Variants in SGCZ observed in about 807,000 individuals in gnomAD.
SGCZ encodes sarcoglycan zeta, also known as zeta-sarcoglycan.
In SGCZ, 40 loss-of-function variants were observed where a neutral mutation model predicts 41.3. The ratio of observed to expected loss-of-function variants is 0.97; its 90% confidence interval spans 0.75 to 1.26. The LOEUF is 1.26. Among genes scored for constraint, SGCZ ranks in the 50% most tolerant of loss-of-function variants. The pLI is 0.00. For synonymous variants in SGCZ, 206 were observed against 137.5 expected, an observed-to-expected ratio of 1.50 and a Z score of -3.49; for missense variants, 552 against 369.8, an observed-to-expected ratio of 1.49 and a Z score of -4.04.
At chr8:14,984,953 A>G (rs1481981650) in intron 1 of SGCZ, among the ~76,000 whole-genome samples, 1 of 151,970 alleles carries the variant, frequency 6.6e-6, no homozygotes, top group African/African-American at 2.4e-5. Context: ...GGGCCACAGT[A>G]TCTGTAGATT....
At chr8:14,650,664 G>T (rs2117454290) in intron 1 of SGCZ, among the ~76,000 whole-genome samples, 1 of 152,122 alleles carries the variant, frequency 6.6e-6, no homozygotes, top group South Asian at 2.1e-4. Flanking sequence ...ATTCTTAGCT[G>T]AGAGTGATTA....
chr8:14,981,130 C>T (rs1801650531), intron 1 of SGCZ, among the ~76,000 whole-genome samples: 1 of 152,110 alleles, frequency 6.6e-6, no homozygotes. Flanking sequence ...GAGCACATTC[C>T]CTTAGCCTTT....
chr8:14,132,998 C>A (rs1056389446), intron 5 of SGCZ, among the ~76,000 whole-genome samples: 1 of 152,062 alleles, frequency 6.6e-6, no homozygotes, highest in East Asian at 1.9e-4. Flanking sequence ...ATGCTAGGAG[C>A]TGTAACAATA....
chr8:14,784,981 T>TTA (rs1282531835), intron 1 of SGCZ, among the ~76,000 whole-genome samples: 15 of 142,446 alleles, frequency 1.1e-4, no homozygotes, highest in African/African-American at 3.8e-4. Flanking sequence ...TATATATTTT[T>TTA]TATATATTAT....
chr8:14,236,773 T>C (rs559760579), intron 4 of SGCZ, among the ~76,000 whole-genome samples: 23 of 151,718 alleles, frequency 1.5e-4, no homozygotes, highest in Middle Eastern at 6.9e-3. Flanking sequence ...TAATTCAGAA[T>C]CTACATGCAT....
chr8:15,020,986 T>A (rs1287856051), intron 1 of SGCZ, among the ~76,000 whole-genome samples: 1 of 152,212 alleles, frequency 6.6e-6, no homozygotes, highest in African/African-American at 2.4e-5. Context: ...AATCATATCC[T>A]GAAAATTTTG....
chr8:14,218,982 A>G (rs1224395743), intron 4 of SGCZ, among the ~76,000 whole-genome samples: 1 of 152,238 alleles, frequency 6.6e-6, no homozygotes, highest in East Asian at 1.9e-4. Context: ...TGACCGTTCT[A>G]TGGTTGTTTG....
intron 5 of SGCZ, among the ~76,000 whole-genome samples, chr8:14,114,167 C>T (rs920552283): frequency 2.0e-5 from 3 of 151,936 alleles, no homozygotes; most frequent in South Asian, 2.1e-4. Flanking sequence ...ATGGATTCTG[C>T]TACATAGTTA....
At chr8:14,678,222 C>T (rs1203585088) in intron 1 of SGCZ, among the ~76,000 whole-genome samples, 3 of 152,064 alleles carry the variant, frequency 2.0e-5, no homozygotes, top group Non-Finnish European at 2.9e-5. Flanking sequence ...AAAACTTCTG[C>T]TTATTGAAAG....
Position 14,810,633 on chromosome 8 carries a change from G to T in SGCZ, c.40-255707C>A, listed in dbSNP as rs187827260. 3.0e-4 allele frequency among the ~76,000 whole-genome samples: 45 copies of T among 152,094 alleles called. 1 individual carries two copies. In the East Asian group the frequency reaches 4.8e-3, roughly 16 times the overall value. Reference sequence around the variant, plus strand: ...AAACAACATCAGTTCATTGGATATTGCACTGGAGATGGCTACAATCAGCAA... The same window carrying T: ...AAACAACATCAGTTCATTGGATATTTCACTGGAGATGGCTACAATCAGCAA... On this transcript the variant is annotated intron_variant, in intron 1 of 7. Coordinates refer to ENST00000382080, the MANE Select transcript of SGCZ (RefSeq NM_139167.4).
At chr8:14,609,542 T>C (rs758973844) in intron 1 of SGCZ, among the ~76,000 whole-genome samples, 8 of 152,220 alleles carry the variant, frequency 5.3e-5, no homozygotes, top group Non-Finnish European at 8.8e-5. Context: ...GTAAATTTTA[T>C]CCTCAATTTA....
At chr8:15,064,399 C>T (rs1805047990) in intron 1 of SGCZ, among the ~76,000 whole-genome samples, 3 of 152,104 alleles carry the variant, frequency 2.0e-5, no homozygotes, top group South Asian at 4.1e-4. Flanking sequence ...ATATTATACA[C>T]AACTGAAATC....
At chr8:15,087,309 G>A (rs565881767) in intron 1 of SGCZ, among the ~76,000 whole-genome samples, 4 of 152,208 alleles carry the variant, frequency 2.6e-5, no homozygotes, top group African/African-American at 4.8e-5. Context: ...TGTTGGAGAT[G>A]ATGTGTGACT....
chr8:15,000,814 C>G (rs1489525655), intron 1 of SGCZ, among the ~76,000 whole-genome samples: 1 of 152,184 alleles, frequency 6.6e-6, no homozygotes, highest in Non-Finnish European at 1.5e-5. Flanking sequence ...GCCATCTACC[C>G]GCTTTTTGGA....
intron 1 of SGCZ, among the ~76,000 whole-genome samples, chr8:15,196,460 C>T (rs552870109): frequency 1.6e-4 from 25 of 152,236 alleles, no homozygotes; most frequent in Middle Eastern, 3.4e-3. Context: ...TGTTATCATC[C>T]TGCAAGTGAA....
intron 1 of SGCZ, among the ~76,000 whole-genome samples, chr8:14,601,073 T>C: frequency 6.6e-6 from 1 of 150,482 alleles, no homozygotes; most frequent in East Asian, 1.9e-4. Context: ...ATTATATAAA[T>C]ATTCTATACA....
chr8:14,689,137 C>A (rs1461428517), intron 1 of SGCZ, among the ~76,000 whole-genome samples: 1 of 151,992 alleles, frequency 6.6e-6, no homozygotes, highest in African/African-American at 2.4e-5. Flanking sequence ...CTCTTTAATA[C>A]AAATTTTCTG....
intron 5 of SGCZ, among the ~76,000 whole-genome samples, chr8:14,136,302 G>A (rs779442504): frequency 2.6e-5 from 4 of 152,152 alleles, no homozygotes; most frequent in Non-Finnish European, 4.4e-5. Flanking sequence ...GGACTGCGTG[G>A]ACAGTGGGTG....
chr8:14,801,217 A>T lies in SGCZ; in HGVS notation c.40-246291T>A, dbSNP rs566112861. On this transcript the variant is annotated intron_variant, in intron 1 of 7. Transcript: ENST00000382080. ...GTGTATGTGTACACAAACTCAGTGT[A>T]TTGAAACAGAGAAGATAAACAGAAA... Among the ~76,000 whole-genome samples, 141 of 152,262 alleles carry T rather than the reference A, an allele frequency of 9.3e-4. 1 individual carries two copies. In the Middle Eastern group the frequency reaches 0.014, roughly 15 times the overall value.
Sources: gnomAD v4.1 joint callset for allele counts (sites outside exome capture counted in the v4.1 genomes callset) on GRCh38, gnomAD v4.1.1 for gene constraint, MANE v1.5 for transcripts, NCBI Gene and HGNC (gene_info 2026-07-23, HGNC 2026-07-21) for gene names.